Variants in TSPAN2 observed in about 807,000 individuals in gnomAD.
The protein encoded by TSPAN2 is tetraspanin 2.
Under a neutral mutation model 33.3 loss-of-function variants are expected in TSPAN2, and 24 were observed. That is an observed-to-expected ratio of 0.72 (90% CI 0.52 to 1.01). TSPAN2 has a LOEUF of 1.01. TSPAN2 is among the 50% of genes least tolerant of loss of function. The pLI, the probability that TSPAN2 is intolerant of heterozygous loss-of-function variation, is 0.00. For synonymous variants in TSPAN2, 114 were observed against 104.5 expected (o/e 1.09, Z -0.56); for missense variants, 278 against 281.3 (o/e 0.99, Z 0.08).
intron 2 of TSPAN2, among the ~76,000 whole-genome samples, chr1:115,069,085 G>A (rs778498559): frequency 7.2e-5 from 11 of 152,174 alleles, no homozygotes; most frequent in Admixed American, 2.0e-4. Flanking sequence ...AGCATGGATC[G>A]TGAGTGCCTT....
At chr1:115,072,865 T>A in intron 2 of TSPAN2, 40 bp downstream of exon 2, 1 of 1,505,062 alleles carries the variant, frequency 6.6e-7, no homozygotes, top group Non-Finnish European at 9.2e-7. Flanking sequence ...CACAGCCCCA[T>A]CTACTCTGAG....
chr1:115,073,230 C>G (rs555514023), intron 1 of TSPAN2, among the ~76,000 whole-genome samples: 1 of 152,314 alleles, frequency 6.6e-6, no homozygotes, highest in East Asian at 1.9e-4. Context: ...TTTTCTGATT[C>G]TGAAAGCAGG....
chr1:115,070,059 C>T (rs1219358461), intron 2 of TSPAN2, among the ~76,000 whole-genome samples: 1 of 152,156 alleles, frequency 6.6e-6, no homozygotes, highest in African/African-American at 2.4e-5. Context: ...GAAACACAGA[C>T]TGAGGTTGCT....
intron 1 of TSPAN2, 95 bp from the exon 2 acceptor site, chr1:115,073,102 C>T (rs1222270649): frequency 9.4e-7 from 1 of 1,058,258 alleles, no homozygotes; most frequent in Non-Finnish European, 1.4e-6. Flanking sequence ...GACAAGGTCA[C>T]CCCTTTGGAA....
At position 115,089,434 on chromosome 1, in the gene TSPAN2, C is replaced by T. The variant is rs1371932654; in HGVS notation, c.-2G>A. On this transcript the variant is annotated 5_prime_UTR_variant, in exon 1 of 8. Transcript: ENST00000369516. ...CAGGCCCCCGCGGAAGCGCCCCATG[C>T]TGCGGCCCGGCGGCGGGATCCCCAG... 1 of 1,563,662 alleles carries T rather than the reference C, an allele frequency of 6.4e-7. No individual in the cohort carries two copies.
chr1:115,055,682 C>A (rs984056753), intron 6 of TSPAN2, among the ~76,000 whole-genome samples: 1 of 152,130 alleles, frequency 6.6e-6, no homozygotes, highest in Non-Finnish European at 1.5e-5. Flanking sequence ...TGCCACCACG[C>A]CTGGCTAATT....
chr1:115,062,163 A>G lies in TSPAN2; in HGVS notation c.242T>C (p.Met81Thr). ...TCCAAGCACACATTGCGACTCCCGCATGGCTCCGCAGCACCCGAAGAACCC... is the reference window on the plus strand; with the variant it reads ...TCCAAGCACACATTGCGACTCCCGCGTGGCTCCGCAGCACCCGAAGAACCC... ...AVGFFGCCGA[M>T]RESQCVLGSF... Residue 81 changes from methionine (M) to threonine (T), a missense_variant, in exon 3 of 8, where the codon ATG becomes ACG. By Grantham distance (81) the Met-to-Thr change is moderately conservative (BLOSUM62 -1). Transcript: ENST00000369516. 1.3e-6 allele frequency: 2 copies of G among 1,594,212 alleles called. No homozygotes were observed. Among genetic ancestry groups the G allele is most frequent in the East Asian group, 2.3e-5 (1 of 43,888 alleles).
chr1:115,058,830 T>C, intron 5 of TSPAN2, 53 bp downstream of exon 5: 1 of 1,408,158 alleles, frequency 7.1e-7, no homozygotes, highest in Non-Finnish European at 1.0e-6. Context: ...AGAACCTGGC[T>C]CACACATAAT....
In TSPAN2 at chr1:115,049,419, G is replaced by A. The variant is rs1570961301; in HGVS notation, c.*1071C>T. 1 of 152,616 alleles carries A rather than the reference G, an allele frequency of 6.6e-6. No individual in the cohort carries two copies. The highest frequency in any genetic ancestry group is 1.9e-4 in the East Asian group (1 of 5,180). 9.5% of individuals were successfully genotyped at this position (152,616 alleles called of 1,614,324 possible). On this transcript the variant is annotated 3_prime_UTR_variant, in exon 8 of 8. Transcript: ENST00000369516. ...GGACTTTGTTTTACTTATGTTAAGT[G>A]GTGAAAACTGTAGTTCTTAATCTAT...
rs150329225 is a variant in TSPAN2 at position 115,072,963 on chromosome 1, G to A, written c.114C>T (p.Phe38=). The A allele has an allele frequency of 6.4e-5, 104 of 1,613,898 alleles. No homozygotes were observed. The highest frequency in any genetic ancestry group is 8.1e-5 in the Non-Finnish European group (95 of 1,180,016). The change falls in exon 2 of 8, where the codon TTC becomes TTT. Residue 38 remains phenylalanine (F), a synonymous_variant. Coordinates refer to ENST00000369516, the MANE Select transcript of TSPAN2 (RefSeq NM_005725.6). ...AVIAFGLWFR[F]GGAIKELSSE... is the part of the protein sequence containing the mutation. ...ATGATAACTCCTTTATGGCACCTCC[G>A]AACCGAAACCATAGTCCAAAAGCAA...
chr1:115,077,765 A>T (rs1438193346), intron 1 of TSPAN2, among the ~76,000 whole-genome samples: 1 of 152,122 alleles, frequency 6.6e-6, no homozygotes, highest in Non-Finnish European at 1.5e-5. Context: ...TTTTCATTTT[A>T]AAAAAAGACA....
chr1:115,069,155 G>T (rs1570975692), intron 2 of TSPAN2, among the ~76,000 whole-genome samples: 1 of 152,352 alleles, frequency 6.6e-6, no homozygotes, highest in East Asian at 1.9e-4. Flanking sequence ...AGGAACGAAA[G>T]GTGGGTAAAC....
chr1:115,051,286 CAG>C (rs1675308937), intron 7 of TSPAN2, among the ~76,000 whole-genome samples: 1 of 151,962 alleles, frequency 6.6e-6, no homozygotes, highest in Non-Finnish European at 1.5e-5. Flanking sequence ...TCCCTGGTGA[CAG>C]AGACCCTGTC....
Position 115,089,460 on chromosome 1 carries a change from T to A in TSPAN2, c.-28A>T. ...TGCGGCCCGGCGGCGGGATCCCCAG[T>A]CCCCAGGCCCGCGCTACGAGCGCGG... is the stretch of plus-strand genomic sequence containing the variant. On this transcript the variant is annotated 5_prime_UTR_variant, in exon 1 of 8. Coordinates refer to ENST00000369516, the MANE Select transcript of TSPAN2 (RefSeq NM_005725.6). The A allele has an allele frequency of 6.9e-7, 1 of 1,444,958 alleles. No individual in the cohort carries two copies. The highest frequency in any genetic ancestry group is 9.2e-7 in the Non-Finnish European group (1 of 1,089,344). The allele number at this position is 1,444,958 out of a possible 1,614,324, so 89.5% of individuals were successfully genotyped here. A position where few individuals can be genotyped will look rare whatever the true frequency, so the allele number is the denominator to read the frequency against.
intron 1 of TSPAN2, among the ~76,000 whole-genome samples, chr1:115,085,745 G>C (rs1430419028): frequency 6.6e-6 from 1 of 152,040 alleles, no homozygotes; most frequent in East Asian, 1.9e-4. Flanking sequence ...CAGATATCTA[G>C]ATACTTTATC....
chr1:115,053,886 T>C (rs1361785911), intron 6 of TSPAN2, among the ~76,000 whole-genome samples: 1 of 152,254 alleles, frequency 6.6e-6, no homozygotes, highest in African/African-American at 2.4e-5. Context: ...CAATTTACTA[T>C]GCAAAGTAGG....
At chr1:115,054,063 A>G (rs1348153509) in intron 6 of TSPAN2, among the ~76,000 whole-genome samples, 2 of 152,144 alleles carry the variant, frequency 1.3e-5, no homozygotes, top group African/African-American at 4.8e-5. Context: ...CCCATAAGAC[A>G]CCTGTGCAGC....
chr1:115,072,711 CTCTCTACCTG>C (rs1284757485), intron 2 of TSPAN2, among the ~76,000 whole-genome samples, 184 bp downstream of exon 2: 1 of 152,168 alleles, frequency 6.6e-6, no homozygotes, highest in East Asian at 1.9e-4. Flanking sequence ...TCACCACAGC[CTCTCTACCTG>C]TCTCCAGCAG....
intron 1 of TSPAN2, among the ~76,000 whole-genome samples, chr1:115,073,427 G>T (rs757115023): frequency 2.6e-5 from 4 of 152,132 alleles, no homozygotes; most frequent in Non-Finnish European, 4.4e-5. Context: ...TGTCTCAGCT[G>T]CCAGGTCACC....
Sources: allele counts gnomAD v4.1 joint callset (sites outside exome capture counted in the v4.1 genomes callset), GRCh38; gene constraint gnomAD v4.1.1; transcripts MANE v1.5; gene names NCBI Gene and HGNC (gene_info 2026-07-23, HGNC 2026-07-21).